Variants in LYRM4 observed in about 807,000 individuals in gnomAD.
LYRM4 encodes LYR motif-containing protein 4.
LYRM4 carries 9 observed loss-of-function variants against 11.7 expected under a neutral mutation model. The observed-to-expected ratio is 0.77, with a 90% CI of 0.46 to 1.34. The LOEUF is 1.34. Ranked by LOEUF, LYRM4 falls within the 40% of genes most tolerant of loss-of-function variation. LYRM4 has a pLI of 0.00. For synonymous variants in LYRM4, 42 were observed against 40.4 expected (o/e 1.04, Z -0.15); for missense variants, 133 against 112.5 (o/e 1.18, Z -0.82).
intron 2 of LYRM4, among the ~76,000 whole-genome samples, chr6:5,192,258 G>A (rs1295387953): frequency 6.6e-6 from 1 of 152,140 alleles, no homozygotes; most frequent in African/African-American, 2.4e-5. Context: ...ACTGAAGATG[G>A]CCTGGGGTAG....
chr6:5,247,327 A>G (rs1272762149), intron 1 of LYRM4, among the ~76,000 whole-genome samples: 1 of 152,250 alleles, frequency 6.6e-6, no homozygotes, highest in Admixed American at 6.5e-5. Context: ...TGAGTGCTCA[A>G]ACAAGATTTG....
chr6:5,100,064 T>C (rs1762452453), downstream of LYRM4, among the ~76,000 whole-genome samples: 1 of 152,196 alleles, frequency 6.6e-6, no homozygotes, highest in Non-Finnish European at 1.5e-5. Context: ...TCGTGGCTCT[T>C]CTGCAGGACT....
At chr6:5,086,367 G>A in the LYRM4 span, 1 of 1,536,076 alleles carries the variant, frequency 6.5e-7, no homozygotes, top group African/African-American at 1.4e-5. Context: ...CCAAGAAAGA[G>A]CCAGGCGCCG....
chr6:5,042,677 A>G, the LYRM4 span: 1 of 152,692 alleles, frequency 6.5e-6, no homozygotes, highest in Non-Finnish European at 1.5e-5. Flanking sequence ...ACATCACCCT[A>G]GCCCAAGACA....
intron 1 of LYRM4, among the ~76,000 whole-genome samples, chr6:5,249,721 G>A (rs769597895): frequency 3.3e-5 from 5 of 152,104 alleles, no homozygotes; most frequent in Non-Finnish European, 7.4e-5. Context: ...CTCTCAGCTT[G>A]GTTCATGTAA....
intron 1 of LYRM4, among the ~76,000 whole-genome samples, chr6:5,219,563 TC>T: frequency 6.6e-6 from 1 of 152,320 alleles, no homozygotes; most frequent in East Asian, 1.9e-4. Context: ...AAGAGTTTCT[TC>T]CTTAGTTGTA....
intron 2 of LYRM4, among the ~76,000 whole-genome samples, chr6:5,171,696 C>T (rs575871153): frequency 3.3e-5 from 5 of 152,172 alleles, no homozygotes; most frequent in African/African-American, 4.8e-5. Context: ...AACGTGCTGA[C>T]AAAGCACCTC....
chr6:5,171,968 A>C (rs1019751254), intron 2 of LYRM4, among the ~76,000 whole-genome samples: 1 of 152,210 alleles, frequency 6.6e-6, no homozygotes, highest in Non-Finnish European at 1.5e-5. Context: ...GTCCATAAAC[A>C]TAACAGTGAC....
intron 2 of LYRM4, among the ~76,000 whole-genome samples, chr6:5,128,494 G>C (rs1419772282): frequency 6.6e-6 from 1 of 152,200 alleles, no homozygotes; most frequent in Non-Finnish European, 1.5e-5. Context: ...TGACAAGGCT[G>C]CCTGGCTGAC....
chr6:5,209,573 A>G (rs1016649636), intron 2 of LYRM4, among the ~76,000 whole-genome samples: 9 of 152,208 alleles, frequency 5.9e-5, no homozygotes, highest in Non-Finnish European at 5.9e-5. Context: ...AACAGATGGG[A>G]CATTAGAAGT....
At chr6:5,162,479 T>C (rs3927398) in intron 2 of LYRM4, among the ~76,000 whole-genome samples, 1 of 103,934 alleles carries the variant, frequency 9.6e-6, no homozygotes, top group Non-Finnish European at 2.0e-5. Flanking sequence ...AGCTCAGAGA[T>C]GGAGCGACAG....
At chr6:5,110,881 T>C (rs1416232522) in intron 2 of LYRM4, among the ~76,000 whole-genome samples, 1 of 152,156 alleles carries the variant, frequency 6.6e-6, no homozygotes, top group African/African-American at 2.4e-5. Flanking sequence ...CTGCAGGTAA[T>C]GCTGATGCTG....
chr6:5,040,595 T>C, the LYRM4 span, among the ~76,000 whole-genome samples: 6 of 151,942 alleles, frequency 3.9e-5, no homozygotes, highest in Admixed American at 6.6e-5. Context: ...TGAGTGACTA[T>C]AGAAAACAAT....
At chr6:5,112,287 G>C (rs1352452496) in intron 2 of LYRM4, among the ~76,000 whole-genome samples, 1 of 152,228 alleles carries the variant, frequency 6.6e-6, no homozygotes, top group East Asian at 1.9e-4. Context: ...CCCCTCAAAG[G>C]CAGGACTGGT....
At chr6:5,244,765 A>G (rs1333464083) in intron 1 of LYRM4, among the ~76,000 whole-genome samples, 1 of 151,940 alleles carries the variant, frequency 6.6e-6, no homozygotes, top group Non-Finnish European at 1.5e-5. Context: ...ACACATGGAC[A>G]TTCAACTCAT....
chr6:5,035,825 T>C, the LYRM4 span, among the ~76,000 whole-genome samples: 2 of 102,786 alleles, frequency 1.9e-5, no homozygotes, highest in East Asian at 2.7e-4. Context: ...AGTATATGTG[T>C]ATGCATATAG....
intron 1 of LYRM4, among the ~76,000 whole-genome samples, chr6:5,223,518 T>C (rs1762707823): frequency 6.6e-6 from 1 of 152,170 alleles, no homozygotes; most frequent in South Asian, 2.1e-4. Context: ...TATCCAATCT[T>C]TGTTAAGTAC....
the LYRM4 span, chr6:5,034,153 C>G: frequency 2.0e-5 from 3 of 152,314 alleles, no homozygotes; most frequent in Non-Finnish European, 4.4e-5. Context: ...AATACCTGTG[C>G]TGGATGAGGT....
At chr6:5,044,580 G>GT in the LYRM4 span, among the ~76,000 whole-genome samples, 1 of 152,146 alleles carries the variant, frequency 6.6e-6, no homozygotes, top group Non-Finnish European at 1.5e-5. Flanking sequence ...TGTTGGATTT[G>GT]TTTCAAAAAG....
Sources: allele counts gnomAD v4.1 joint callset (sites outside exome capture counted in the v4.1 genomes callset), GRCh38; gene constraint gnomAD v4.1.1; transcripts MANE v1.5; gene names NCBI Gene and HGNC (gene_info 2026-07-23, HGNC 2026-07-21).